CYP7B1: variants seen among roughly 807,000 people sequenced by gnomAD.
The protein encoded by CYP7B1 is cytochrome P450 7B1.
Under a neutral mutation model 42.7 loss-of-function variants are expected in CYP7B1, and 29 were observed. The observed-to-expected ratio is 0.68, with a 90% CI of 0.51 to 0.93. The LOEUF is 0.93. Among genes scored for constraint, CYP7B1 ranks in the 40% least tolerant of loss-of-function variants. The pLI, the probability that CYP7B1 is intolerant of heterozygous loss-of-function variation, is 0.00. For synonymous variants in CYP7B1, 235 were observed against 218.2 expected, an observed-to-expected ratio of 1.08 and a Z score of -0.68; for missense variants, 655 against 600.5, an observed-to-expected ratio of 1.09 and a Z score of -0.95.
rs192159305 is a variant in CYP7B1 at position 64,590,964 on chromosome 8, T to C, written c.*5678A>G. On this transcript the variant is annotated 3_prime_UTR_variant, in exon 6 of 6. Coordinates refer to ENST00000310193, the MANE Select transcript of CYP7B1 (RefSeq NM_004820.5). ...ACATCTTTTAGGACAATTTGATTCA[T>C]TGTAAATCCACATATATGTCATTTT... is the stretch of plus-strand genomic sequence containing the variant. Among the ~76,000 whole-genome samples the C allele has an allele frequency of 1.4e-4, 21 of 152,292 alleles. No individual in the cohort carries two copies. Among genetic ancestry groups the C allele is most frequent in the African/African-American group, 4.3e-4 (18 of 41,582 alleles).
At chr8:64,619,188 C>A (rs916237676) in intron 2 of CYP7B1, among the ~76,000 whole-genome samples, 4 of 152,134 alleles carry the variant, frequency 2.6e-5, no homozygotes, top group Admixed American at 1.3e-4. Flanking sequence ...GATCTTTAAT[C>A]AGACAGTTAG....
chr8:64,744,246 G>T (rs1021420636), intron 1 of CYP7B1, among the ~76,000 whole-genome samples: 5 of 152,066 alleles, frequency 3.3e-5, no homozygotes, highest in African/African-American at 1.2e-4. Flanking sequence ...TTGAAATGAT[G>T]GAGTTATTTT....
At chr8:64,705,348 T>C (rs1001994241) in intron 1 of CYP7B1, among the ~76,000 whole-genome samples, 27 of 152,190 alleles carry the variant, frequency 1.8e-4, no homozygotes, top group Admixed American at 4.6e-4. Context: ...AAATTGCTAT[T>C]GCATTTCAGT....
intron 1 of CYP7B1, among the ~76,000 whole-genome samples, chr8:64,715,057 T>C (rs1400297793): frequency 6.6e-6 from 1 of 152,172 alleles, no homozygotes; most frequent in Admixed American, 6.5e-5. Context: ...ACCCATGAAT[T>C]ACAGGCCAGA....
At chr8:64,677,732 T>TTA (rs398008114) in intron 1 of CYP7B1, among the ~76,000 whole-genome samples, 17 of 149,272 alleles carry the variant, frequency 1.1e-4, no homozygotes, top group Non-Finnish European at 1.9e-4. Context: ...TTTTTTTTTT[T>TTA]ACATAGAAAT....
chr8:64,664,638 A>C (rs1017322534), intron 1 of CYP7B1, among the ~76,000 whole-genome samples: 1 of 152,166 alleles, frequency 6.6e-6, no homozygotes, highest in Non-Finnish European at 1.5e-5. Context: ...TGGAACTGGG[A>C]TTCTGTTAAG....
intron 1 of CYP7B1, among the ~76,000 whole-genome samples, chr8:64,652,178 T>C (rs1451705319): frequency 4.6e-5 from 7 of 152,230 alleles, no homozygotes; most frequent in African/African-American, 1.4e-4. Flanking sequence ...AAATTACCAA[T>C]GATTCCAAAC....
At chr8:64,719,988 G>A (rs1807214066) in intron 1 of CYP7B1, among the ~76,000 whole-genome samples, 1 of 152,202 alleles carries the variant, frequency 6.6e-6, no homozygotes, top group African/African-American at 2.4e-5. Flanking sequence ...TATTGAGCCT[G>A]ATTGGAACAT....
chr8:64,631,342 G>C (rs1188029702), intron 1 of CYP7B1, among the ~76,000 whole-genome samples: 2 of 151,996 alleles, frequency 1.3e-5, no homozygotes, highest in Admixed American at 6.6e-5. Flanking sequence ...AAAATCATCT[G>C]CTCATATCAA....
intron 1 of CYP7B1, among the ~76,000 whole-genome samples, chr8:64,702,491 G>A (rs904587214): frequency 3.3e-5 from 5 of 151,938 alleles, no homozygotes; most frequent in African/African-American, 7.2e-5. Flanking sequence ...CTGTGACTTC[G>A]TTGTTTATCA....
At chr8:64,734,767 C>CCCTTTATTTG in intron 1 of CYP7B1, among the ~76,000 whole-genome samples, 1 of 152,196 alleles carries the variant, frequency 6.6e-6, no homozygotes, top group East Asian at 1.9e-4. Flanking sequence ...GTAAAGACAC[C>CCCTTTATTTG]CCTTTATTTG....
chr8:64,610,940 T>G (rs1229492039), intron 4 of CYP7B1, among the ~76,000 whole-genome samples: 1 of 152,112 alleles, frequency 6.6e-6, no homozygotes, highest in Non-Finnish European at 1.5e-5. Flanking sequence ...ATAAAAATAA[T>G]ACTTGACAAA....
chr8:64,635,156 C>T (rs948893302), intron 1 of CYP7B1, among the ~76,000 whole-genome samples: 1 of 152,196 alleles, frequency 6.6e-6, no homozygotes, highest in African/African-American at 2.4e-5. Flanking sequence ...GTAAAGTTAT[C>T]TGCTTAATAT....
At chr8:64,733,147 G>GCACA (rs141985005) in intron 1 of CYP7B1, among the ~76,000 whole-genome samples, 1 of 151,828 alleles carries the variant, frequency 6.6e-6, no homozygotes, top group African/African-American at 2.4e-5. Context: ...CAATATGTAT[G>GCACA]CACACACACA....
chr8:64,619,376 G>A (rs1329559985), intron 2 of CYP7B1, among the ~76,000 whole-genome samples: 2 of 152,102 alleles, frequency 1.3e-5, no homozygotes, highest in Non-Finnish European at 2.9e-5. Context: ...AAGATCACAA[G>A]GTAAAAACAA....
chr8:64,797,122 G>A (rs1224044901), intron 1 of CYP7B1, among the ~76,000 whole-genome samples: 1 of 152,152 alleles, frequency 6.6e-6, no homozygotes, highest in Non-Finnish European at 1.5e-5. Context: ...TATAGAGAAA[G>A]ATCAGCCTAT....
chr8:64,643,805 A>G (rs141342591), intron 1 of CYP7B1, among the ~76,000 whole-genome samples: 1 of 152,192 alleles, frequency 6.6e-6, no homozygotes, highest in Non-Finnish European at 1.5e-5. Flanking sequence ...CCATCCCAAG[A>G]AACCACTCTT....
At chr8:64,625,429 A>C (rs2129630462) in intron 1 of CYP7B1, among the ~76,000 whole-genome samples, 1 of 152,318 alleles carries the variant, frequency 6.6e-6, no homozygotes, top group African/African-American at 2.4e-5. Context: ...CCTGTGACTA[A>C]GGAGATCTCC....
At chr8:64,737,707 G>T (rs1807510477) in intron 1 of CYP7B1, among the ~76,000 whole-genome samples, 1 of 152,180 alleles carries the variant, frequency 6.6e-6, no homozygotes, top group African/African-American at 2.4e-5. Context: ...ATCCTGGAAT[G>T]AAAGGATTCC....
Sources: gnomAD v4.1 joint callset for allele counts (sites outside exome capture counted in the v4.1 genomes callset) on GRCh38, gnomAD v4.1.1 for gene constraint, MANE v1.5 for transcripts, NCBI Gene and HGNC (gene_info 2026-07-23, HGNC 2026-07-21) for gene names.